Variants in ZBTB8OS observed in about 807,000 individuals in gnomAD.
ZBTB8OS encodes tRNA-splicing ligase-activating factor archease.
In ZBTB8OS, 16 loss-of-function variants were observed where a neutral mutation model predicts 29.3. That is an observed-to-expected ratio of 0.55 (90% CI 0.37 to 0.83). The LOEUF (loss-of-function observed/expected upper bound fraction) is 0.83, where lower values mean the gene tolerates loss of function less well. Among genes scored for constraint, ZBTB8OS ranks in the 40% least tolerant of loss-of-function variants. ZBTB8OS has a pLI of 0.00. For missense variants in ZBTB8OS, 160 were observed against 196.9 expected (o/e 0.81, Z 1.12); for synonymous variants, 70 against 64.6 (o/e 1.08, Z -0.40).
chr1:32,623,496 C>A (rs981094901), intron 6 of ZBTB8OS, among the ~76,000 whole-genome samples: 1 of 152,206 alleles, frequency 6.6e-6, no homozygotes, highest in East Asian at 1.9e-4. Context: ...AGAACTGACT[C>A]ATTTTCCTAC....
At chr1:32,635,096 T>C (rs1192817438) in intron 1 of ZBTB8OS, among the ~76,000 whole-genome samples, 1 of 151,968 alleles carries the variant, frequency 6.6e-6, no homozygotes. Context: ...TCCAGGTTTC[T>C]GTCTCACCTT....
chr1:32,650,346 A>G, intron 1 of ZBTB8OS, 87 bp downstream of exon 1: 2 of 1,546,204 alleles, frequency 1.3e-6, no homozygotes, highest in Non-Finnish European at 1.8e-6. Context: ...CATGGGGCAC[A>G]GTAGAAAGAG....
chr1:32,621,963 A>AT lies in ZBTB8OS; in HGVS notation c.418-16_418-15insA. On this transcript the variant is annotated splice_polypyrimidine_tract_variant and intron_variant, in intron 6 of 6. Coordinates refer to ENST00000468695, the MANE Select transcript of ZBTB8OS (RefSeq NM_178547.5). ...ACTTCTGTTCCCTAAAGTTGGGGTT[A>AT]GAGAAAAAAAAAAAAAAAAGGAAAA... 7.6e-7 allele frequency: 1 copy of AT among 1,311,812 alleles called. No homozygotes were observed. Among genetic ancestry groups the AT allele is most frequent in the Non-Finnish European group, 1.0e-6 (1 of 957,602 alleles). The allele number at this position is 1,311,812 out of a possible 1,614,324, so 81.3% of individuals were successfully genotyped here.
At chr1:32,640,964 AGACCAGCCT>A (rs1355878662) in intron 1 of ZBTB8OS, among the ~76,000 whole-genome samples, 1 of 144,588 alleles carries the variant, frequency 6.9e-6, no homozygotes, top group Non-Finnish European at 1.5e-5. Flanking sequence ...CAGGAGTTCA[AGACCAGCCT>A]GGCCAACACG....
At position 32,633,947 on chromosome 1, in the gene ZBTB8OS, T is replaced by G. The variant is rs1015953882; in HGVS notation, c.244+4A>C. ...AATTTCTTCCTTGTGAATAAATCAT[T>G]TACCTTGGGTTTCTACTTCTACTGT... On this transcript the variant is annotated splice_donor_region_variant and intron_variant, in intron 3 of 6. Coordinates refer to ENST00000468695, the MANE Select transcript of ZBTB8OS (RefSeq NM_178547.5). The G allele has an allele frequency of 6.4e-7, 1 of 1,566,928 alleles. No homozygotes were observed. Among genetic ancestry groups the G allele is most frequent in the African/African-American group, 1.4e-5 (1 of 72,654 alleles).
At chr1:32,648,356 C>CA (rs1207201949) in intron 1 of ZBTB8OS, among the ~76,000 whole-genome samples, 1 of 151,934 alleles carries the variant, frequency 6.6e-6, no homozygotes, top group African/African-American at 2.4e-5. Flanking sequence ...GCAATGGAAA[C>CA]AAAAAAAACT....
upstream of ZBTB8OS, chr1:32,650,907 G>A (rs1177393703): frequency 2.8e-5 from 13 of 468,738 alleles, 1 homozygote; most frequent in Admixed American, 2.0e-4. Context: ...AGGGTCGTAA[G>A]CTTAATAGCC....
At chr1:32,646,288 C>T (rs183286001) in intron 1 of ZBTB8OS, among the ~76,000 whole-genome samples, 1 of 151,638 alleles carries the variant, frequency 6.6e-6, no homozygotes, top group East Asian at 1.9e-4. Flanking sequence ...CACTGCACTA[C>T]TCCAGCTTGG....
intron 6 of ZBTB8OS, among the ~76,000 whole-genome samples, chr1:32,623,577 T>C (rs1162001096): frequency 5.3e-5 from 8 of 152,098 alleles, no homozygotes; most frequent in Non-Finnish European, 1.2e-4. Context: ...TGTCCCTGGC[T>C]CCCATCAGAA....
intron 1 of ZBTB8OS, among the ~76,000 whole-genome samples, chr1:32,641,156 A>G (rs1646367749): frequency 6.6e-6 from 1 of 151,742 alleles, no homozygotes; most frequent in Non-Finnish European, 1.5e-5. Context: ...TGGGCAATAG[A>G]GCAAGCCAAA....
Position 32,621,701 on chromosome 1 carries a change from T to C in ZBTB8OS, c.*161A>G. On this transcript the variant is annotated 3_prime_UTR_variant, in exon 7 of 7. Transcript: ENST00000468695. ...GGGAACACAGACCAAGGCTGTGCCC[T>C]GATTTTCCCTTTCTGAAAGTCACAC... 1.6e-6 allele frequency: 1 copy of C among 615,850 alleles called. No homozygotes were observed. The highest frequency in any genetic ancestry group is 2.9e-5 in the East Asian group (1 of 33,936). 38.1% of individuals were successfully genotyped at this position (615,850 alleles called of 1,614,324 possible). A position where few individuals can be genotyped will look rare whatever the true frequency, so the allele number is the denominator to read the frequency against.
chr1:32,646,365 T>G (rs1173359136), intron 1 of ZBTB8OS, among the ~76,000 whole-genome samples: 1 of 151,636 alleles, frequency 6.6e-6, no homozygotes, highest in Non-Finnish European at 1.5e-5. Context: ...TAATTCCAGG[T>G]TATTCAATTA....
At chr1:32,633,820 T>A (rs1645750171) in intron 3 of ZBTB8OS, 93 bp from the exon 4 acceptor site, 15 of 1,470,410 alleles carry the variant, frequency 1.0e-5, no homozygotes, top group Non-Finnish European at 1.3e-5. Context: ...TAGGTCAGTT[T>A]AAAGAGAAAG....
At chr1:32,627,330 T>G (rs1360812255) in intron 6 of ZBTB8OS, among the ~76,000 whole-genome samples, 178 bp downstream of exon 6, 1 of 152,214 alleles carries the variant, frequency 6.6e-6, no homozygotes, top group Admixed American at 6.6e-5. Flanking sequence ...CCTCATCCAC[T>G]AAATCAGGTG....
At chr1:32,636,187 T>C (rs1645939141) in intron 1 of ZBTB8OS, among the ~76,000 whole-genome samples, 1 of 152,092 alleles carries the variant, frequency 6.6e-6, no homozygotes, top group African/African-American at 2.4e-5. Flanking sequence ...ATCAGTAGTA[T>C]CCACTTCCCA....
chr1:32,627,369 T>C (rs1645199812), intron 6 of ZBTB8OS, 139 bp downstream of exon 6: 1 of 722,396 alleles, frequency 1.4e-6, no homozygotes, highest in Non-Finnish European at 2.3e-6. Flanking sequence ...TAACAAAATA[T>C]ATCCAGACAG....
At chr1:32,623,981 C>A (rs1341790657) in intron 6 of ZBTB8OS, among the ~76,000 whole-genome samples, 3 of 152,056 alleles carry the variant, frequency 2.0e-5, no homozygotes, top group Non-Finnish European at 2.9e-5. Flanking sequence ...AGTGATAGTG[C>A]GTGAGTTTTC....
rs550968933 is a variant in ZBTB8OS at position 32,641,336 on chromosome 1, C to T, written c.98-6544G>A. Among the ~76,000 whole-genome samples, 113 of 140,282 alleles carry T rather than the reference C, an allele frequency of 8.1e-4. 1 individual carries two copies. Among genetic ancestry groups the T allele is most frequent in the Admixed American group, 1.6e-3 (21 of 13,142 alleles). 92.0% of individuals were successfully genotyped at this position (140,282 alleles called of 152,430 possible). A position where few individuals can be genotyped will look rare whatever the true frequency, so the allele number is the denominator to read the frequency against. ...TTGCCCAGGCTGGAGTGCAATGGCG[C>T]GATCTCAGCTCACCAAAACATCTGC... On this transcript the variant is annotated intron_variant, in intron 1 of 6. Coordinates refer to ENST00000468695, the MANE Select transcript of ZBTB8OS (RefSeq NM_178547.5).
At chr1:32,638,699 A>C (rs1471587826) in intron 1 of ZBTB8OS, among the ~76,000 whole-genome samples, 3 of 152,030 alleles carry the variant, frequency 2.0e-5, no homozygotes, top group Admixed American at 6.6e-5. Context: ...GTTCACTTGA[A>C]ATTAGGAGTT....
Sources: gnomAD v4.1 joint callset for allele counts (sites outside exome capture counted in the v4.1 genomes callset) on GRCh38, gnomAD v4.1.1 for gene constraint, MANE v1.5 for transcripts, NCBI Gene and HGNC (gene_info 2026-07-23, HGNC 2026-07-21) for gene names.